The following SH3PXD2B variants were observed in gnomAD, a reference collection of about 807,000 sequenced individuals.
The protein encoded by SH3PXD2B is SH3 and PX domains 2B.
A neutral mutation model predicts 73.1 loss-of-function variants in SH3PXD2B; 37 were observed. That is an observed-to-expected ratio of 0.51 (90% CI 0.39 to 0.67). The LOEUF is 0.67. SH3PXD2B is among the 30% of genes least tolerant of loss of function. The pLI is 0.00. For synonymous variants in SH3PXD2B, 457 were observed against 480.5 expected, an observed-to-expected ratio of 0.95 and a Z score of 0.64; for missense variants, 1,053 against 1,197.8, an observed-to-expected ratio of 0.88 and a Z score of 1.78.
downstream of SH3PXD2B, among the ~76,000 whole-genome samples, chr5:172,329,083 A>G (rs1808387): frequency 8.1e-5 from 5 of 61,812 alleles, no homozygotes; most frequent in Non-Finnish European, 1.1e-4. Context: ...ATATATATAT[A>G]TTTTTTTTTT....
chr5:172,451,354 TG>T (rs1759792991), intron 1 of SH3PXD2B, among the ~76,000 whole-genome samples: 1 of 152,098 alleles, frequency 6.6e-6, no homozygotes, highest in Non-Finnish European at 1.5e-5. Context: ...TATGGCGCAG[TG>T]GCTGGGGTGG....
At chr5:172,380,224 A>AT (rs11313404) in intron 5 of SH3PXD2B, among the ~76,000 whole-genome samples, 38 of 150,932 alleles carry the variant, frequency 2.5e-4, no homozygotes, top group Admixed American at 4.6e-4. Flanking sequence ...TGCCCGGCTA[A>AT]TTTTTTTTTT....
intron 2 of SH3PXD2B, among the ~76,000 whole-genome samples, chr5:172,415,406 G>C (rs1758797539): frequency 1.3e-5 from 2 of 152,186 alleles, no homozygotes; most frequent in African/African-American, 2.4e-5. Context: ...TCTTTCAATA[G>C]GCAGATTGAA....
rs1428031767 is a variant in SH3PXD2B, at chr5:172,350,654, C to T, written c.786-65G>A. 5.4e-6 allele frequency: 8 copies of T among 1,492,754 alleles called. No individual in the cohort carries two copies. In the East Asian group the frequency reaches 1.7e-4, roughly 32 times the overall value. 92.5% of individuals were successfully genotyped at this position (1,492,754 alleles called of 1,614,324 possible). On this transcript the variant is annotated intron_variant, in intron 9 of 12. Coordinates refer to ENST00000311601, the MANE Select transcript of SH3PXD2B (RefSeq NM_001017995.3). ...AGGCCCAAGGGAAGAAGCCTTGCTC[C>T]TACTGGGAATCACATGACAGGTCCC...
At chr5:172,347,236 C>A in intron 11 of SH3PXD2B, 47 bp downstream of exon 11, 1 of 1,601,902 alleles carries the variant, frequency 6.2e-7, no homozygotes, top group Non-Finnish European at 8.6e-7. Flanking sequence ...ACACCCCTCA[C>A]AGCCCTCAAG....
intron 4 of SH3PXD2B, among the ~76,000 whole-genome samples, chr5:172,391,382 T>G (rs894467693): frequency 2.0e-5 from 3 of 152,232 alleles, no homozygotes; most frequent in Admixed American, 6.5e-5. Flanking sequence ...TTACTATTAT[T>G]GAGTTCTTGG....
At chr5:172,406,188 G>T in intron 3 of SH3PXD2B, 89 bp downstream of exon 3, 1 of 1,402,434 alleles carries the variant, frequency 7.1e-7, no homozygotes, top group Admixed American at 1.8e-5. Flanking sequence ...CCCTGATAAA[G>T]GAAGACAAGC....
intron 6 of SH3PXD2B, 55 bp from the exon 7 acceptor site, chr5:172,362,924 G>A: frequency 6.2e-7 from 1 of 1,611,344 alleles, no homozygotes; most frequent in East Asian, 2.2e-5. Context: ...TGAAAGAGCA[G>A]GAGTCAGAGC....
intron 1 of SH3PXD2B, among the ~76,000 whole-genome samples, chr5:172,436,680 A>C (rs1368533059): frequency 6.6e-6 from 1 of 152,208 alleles, no homozygotes. Context: ...GTGGAGATGA[A>C]GGGAGCAAAT....
intron 1 of SH3PXD2B, among the ~76,000 whole-genome samples, chr5:172,447,113 C>T (rs751289106): frequency 9.9e-5 from 15 of 151,906 alleles, no homozygotes; most frequent in South Asian, 2.1e-4. Flanking sequence ...TGAGCATTTG[C>T]TGTTTTTTTA....
intron 1 of SH3PXD2B, among the ~76,000 whole-genome samples, chr5:172,438,247 A>C (rs1260729328): frequency 6.6e-6 from 1 of 151,982 alleles, no homozygotes; most frequent in Non-Finnish European, 1.5e-5. Flanking sequence ...CTTCCTGGAC[A>C]CCCCAAGTCT....
intron 1 of SH3PXD2B, among the ~76,000 whole-genome samples, chr5:172,440,693 G>A (rs372054828): frequency 3.9e-5 from 6 of 152,144 alleles, no homozygotes; most frequent in Non-Finnish European, 8.8e-5. Context: ...GGGCCGAGGC[G>A]TCCTAGAGAA....
At chr5:172,351,788 A>G (rs62858561) in intron 9 of SH3PXD2B, among the ~76,000 whole-genome samples, 1 of 151,010 alleles carries the variant, frequency 6.6e-6, no homozygotes, top group Admixed American at 6.6e-5. Context: ...AAAAAAAAAA[A>G]GGTCTCTCTT....
chr5:172,403,024 G>A (rs1285557809), intron 3 of SH3PXD2B, among the ~76,000 whole-genome samples: 4 of 152,252 alleles, frequency 2.6e-5, no homozygotes, highest in African/African-American at 9.6e-5. Flanking sequence ...TCCTTGGCCA[G>A]GGCCTCCCTG....
chr5:172,422,150 G>A (rs1025320360), intron 2 of SH3PXD2B, among the ~76,000 whole-genome samples: 4 of 151,948 alleles, frequency 2.6e-5, no homozygotes, highest in Admixed American at 6.6e-5. Flanking sequence ...ACCCGTCACC[G>A]CACCTGGCTA....
At chr5:172,430,944 G>A (rs1186847479) in intron 1 of SH3PXD2B, among the ~76,000 whole-genome samples, 1 of 151,726 alleles carries the variant, frequency 6.6e-6, no homozygotes, top group Non-Finnish European at 1.5e-5. Flanking sequence ...TCGGCTCAAC[G>A]CAACCTCCAC....
At chr5:172,360,160 G>T (rs185850839) in intron 7 of SH3PXD2B, among the ~76,000 whole-genome samples, 3 of 152,112 alleles carry the variant, frequency 2.0e-5, no homozygotes, top group Admixed American at 2.0e-4. Flanking sequence ...GTGGGTCTAC[G>T]ATTTTCTAAA....
chr5:172,346,717 G>C lies in SH3PXD2B; in HGVS notation c.1063-456C>G, dbSNP rs112124438. Among the ~76,000 whole-genome samples, 1,160 of 152,126 alleles carry C rather than the reference G, an allele frequency of 7.6e-3. 19 individuals are homozygous for C. Among genetic ancestry groups the C allele is most frequent in the African/African-American group, 0.027 (1,114 of 41,458 alleles). ...TGCTTCAAGTATTAAATTAGTTAAT[G>C]TTGTGAGGCAATCGGCACGCTGCAT... On this transcript the variant is annotated intron_variant, in intron 11 of 12. Transcript: ENST00000311601.
Position 172,376,122 on chromosome 5 carries a change from C to T in SH3PXD2B, c.402-2307G>A, listed in dbSNP as rs570426970. ...TTGGCTCACTGCAACCTCTGCCTCC[C>T]AGGTTCAAACGATTCTCCTGCCTCA... is the stretch of plus-strand genomic sequence containing the variant. On this transcript the variant is annotated intron_variant, in intron 5 of 12. Coordinates refer to ENST00000311601, the MANE Select transcript of SH3PXD2B (RefSeq NM_001017995.3). 4.7e-4 allele frequency among the ~76,000 whole-genome samples: 72 copies of T among 151,784 alleles called. No homozygotes were observed. The Middle Eastern group carries it at 0.017, about 36-fold the overall frequency.
Sources: gnomAD v4.1 joint callset for allele counts (sites outside exome capture counted in the v4.1 genomes callset) on GRCh38, gnomAD v4.1.1 for gene constraint, MANE v1.5 for transcripts, NCBI Gene and HGNC (gene_info 2026-07-23, HGNC 2026-07-21) for gene names.